The following SYTL2 variants were observed in gnomAD, a reference collection of about 807,000 sequenced individuals.
SYTL2 encodes the protein synaptotagmin-like protein 2.
A neutral mutation model predicts 198.7 loss-of-function variants in SYTL2; 165 were observed. The ratio of observed to expected loss-of-function variants is 0.83; its 90% CI spans 0.73 to 0.94. The LOEUF is 0.94. Ranked by LOEUF, SYTL2 falls within the 40% of genes least tolerant of loss-of-function variation. The pLI, the probability that SYTL2 is intolerant of heterozygous loss-of-function variation, is 0.00. For missense variants in SYTL2, 2,835 were observed against 2,582.8 expected (o/e 1.10, Z -2.12); for synonymous variants, 966 against 917.7 (o/e 1.05, Z -0.95).
chr11:85,707,327 C>T lies in SYTL2; in HGVS notation c.6018+102G>A, dbSNP rs982530283. The T allele has an allele frequency of 1.1e-5, 8 of 754,034 alleles. No homozygotes were observed. The African/African-American group carries it at 1.2e-4, about 12-fold the overall frequency. 46.7% of individuals were successfully genotyped at this position (754,034 alleles called of 1,614,324 possible). A position where few individuals can be genotyped will look rare whatever the true frequency, so the allele number is the denominator to read the frequency against. On this transcript the variant is annotated intron_variant, in intron 15 of 19. Transcript: ENST00000359152. ...GAACATTTGTATTCCCTTCCTTCTC[C>T]TCTCTTGGTGACTGACTTTATCCTG...
intron 1 of SYTL2, among the ~76,000 whole-genome samples, chr11:85,785,804 G>T (rs2092627075): frequency 6.6e-6 from 1 of 152,192 alleles, no homozygotes. Flanking sequence ...AATGTAAGTA[G>T]CACAATGCCT....
intron 12 of SYTL2, among the ~76,000 whole-genome samples, chr11:85,713,242 T>C (rs1430219222): frequency 1.3e-5 from 2 of 152,176 alleles, no homozygotes; most frequent in African/African-American, 4.8e-5. Flanking sequence ...TGCCCAGAGC[T>C]TTCCTCAACA....
chr11:85,777,147 G>A (rs1278797962), intron 1 of SYTL2, among the ~76,000 whole-genome samples: 1 of 152,212 alleles, frequency 6.6e-6, no homozygotes, highest in Non-Finnish European at 1.5e-5. Context: ...TGAAGAAGTG[G>A]ACATTCTTTA....
intron 1 of SYTL2, among the ~76,000 whole-genome samples, chr11:85,789,271 G>GTA (rs200532279): frequency 0.045 from 6,317 of 139,408 alleles, 532 homozygotes; most frequent in African/African-American, 0.16. Context: ...TGATGTATGT[G>GTA]TGTGTGTGTG....
the SYTL2 span, among the ~76,000 whole-genome samples, chr11:85,841,677 A>G: frequency 6.6e-6 from 1 of 152,148 alleles, no homozygotes; most frequent in African/African-American, 2.4e-5. Flanking sequence ...CAGAGTATGG[A>G]GGGTGGGAAG....
chr11:85,704,802 T>G, intron 16 of SYTL2, 56 bp downstream of exon 16: 1 of 1,452,466 alleles, frequency 6.9e-7, no homozygotes, highest in Non-Finnish European at 9.5e-7. Context: ...CTTTTTCCTA[T>G]ACACTAGGTA....
chr11:85,776,082 A>T (rs2092446446), intron 1 of SYTL2, among the ~76,000 whole-genome samples: 1 of 152,110 alleles, frequency 6.6e-6, no homozygotes, highest in Admixed American at 6.6e-5. Context: ...TTGAGAGCTG[A>T]TTGTTTTAAA....
chr11:85,848,550 T>C, the SYTL2 span, among the ~76,000 whole-genome samples: 1 of 152,228 alleles, frequency 6.6e-6, no homozygotes, highest in Non-Finnish European at 1.5e-5. Context: ...GTTCAAAAGA[T>C]TATGCTTTGC....
intron 11 of SYTL2, 75 bp downstream of exon 11, chr11:85,717,408 G>A: frequency 8.1e-7 from 1 of 1,229,942 alleles, no homozygotes; most frequent in Non-Finnish European, 1.2e-6. Context: ...GTTATTAATG[G>A]GGTTAGTTAT....
intron 6 of SYTL2, among the ~76,000 whole-genome samples, 190 bp from the exon 7 acceptor site, chr11:85,734,932 A>T (rs2090186912): frequency 6.6e-6 from 1 of 152,216 alleles, no homozygotes; most frequent in Admixed American, 6.5e-5. Flanking sequence ...GAGGACTTTT[A>T]GGGCACTGGA....
chr11:85,700,798 T>G (rs2084176672), intron 16 of SYTL2, among the ~76,000 whole-genome samples: 1 of 152,236 alleles, frequency 6.6e-6, no homozygotes, highest in Non-Finnish European at 1.5e-5. Flanking sequence ...TGAAAAATCT[T>G]GCAGGATACC....
chr11:85,710,957 A>C (rs1565880878), intron 13 of SYTL2, among the ~76,000 whole-genome samples, 156 bp downstream of exon 13: 2 of 152,142 alleles, frequency 1.3e-5, no homozygotes, highest in Non-Finnish European at 2.9e-5. Flanking sequence ...AAAAAAAAAA[A>C]GATAGATGTA....
intron 1 of SYTL2, among the ~76,000 whole-genome samples, chr11:85,808,141 A>C (rs1204231244): frequency 2.0e-5 from 3 of 152,204 alleles, no homozygotes; most frequent in African/African-American, 7.2e-5. Context: ...ATCTCAGCTC[A>C]CTGCAACCTC....
rs149639766 is a variant in SYTL2, at chr11:85,734,277, C to A, written c.1052G>T (p.Gly351Val). The A allele has an allele frequency of 9.3e-6, 15 of 1,614,076 alleles. No homozygotes were observed. In the African/African-American group the frequency reaches 1.7e-4, roughly 19 times the overall value. Residue 351 changes from glycine to valine, a missense_variant, in exon 7 of 20, where the codon GGT becomes GTT. Physicochemically the swap from Gly to Val is moderately radical, Grantham distance 109. Transcript: ENST00000359152. The stretch of plus-strand genomic sequence containing the variant: ...AACACTAAATTCTCCTACTTCCCGA[C>A]CATGGATTAGCCCAGGACTCTGTGG... ...ELPQSPGLIH[G>V]REVGEFSVLE...
chr11:85,831,655 G>A, the SYTL2 span, among the ~76,000 whole-genome samples: 16 of 152,090 alleles, frequency 1.1e-4, no homozygotes, highest in Admixed American at 5.2e-4. Context: ...TAGTACTTTG[G>A]TTGTGGTGAT....
At chr11:85,846,393 G>T in the SYTL2 span, among the ~76,000 whole-genome samples, 11 of 152,272 alleles carry the variant, frequency 7.2e-5, no homozygotes, top group East Asian at 1.7e-3. Flanking sequence ...GAGTGTTAAA[G>T]AATATGAAAC....
chr11:85,726,262 A>AT lies in SYTL2; in HGVS notation c.3095dup (p.Asn1032LysfsTer4). 6.2e-7 allele frequency: 1 copy of AT among 1,613,644 alleles called. No homozygotes were observed. Among genetic ancestry groups the AT allele is most frequent in the Non-Finnish European group, 8.5e-7 (1 of 1,179,930 alleles). ...TTAGAAGCACCTCTGCTTCATGGGT[A>AT]TTTTTACCTGATAATTTAATGTCGC... On this transcript the variant is annotated frameshift_variant, in exon 8 of 20. Transcript: ENST00000359152. LOFTEE classifies it high-confidence loss of function.
At chr11:85,844,121 C>T in the SYTL2 span, among the ~76,000 whole-genome samples, 3,195 of 152,332 alleles carry the variant, frequency 0.021, 104 homozygotes, top group African/African-American at 0.072. Context: ...GGACAGCCTC[C>T]TCTCCAAGCA....
intron 1 of SYTL2, among the ~76,000 whole-genome samples, chr11:85,795,251 C>T (rs1188198833): frequency 6.6e-6 from 1 of 151,910 alleles, no homozygotes; most frequent in Non-Finnish European, 1.5e-5. Flanking sequence ...AAGTCACATC[C>T]CCCCAAGGAA....
Sources: allele counts gnomAD v4.1 joint callset (sites outside exome capture counted in the v4.1 genomes callset), GRCh38; gene constraint gnomAD v4.1.1; transcripts MANE v1.5; gene names NCBI Gene and HGNC (gene_info 2026-07-23, HGNC 2026-07-21).